Variants in PDZD8 observed in about 807,000 individuals in gnomAD.
PDZD8 encodes the protein PDZ domain-containing protein 8.
In PDZD8, 14 loss-of-function variants were observed where a neutral mutation model predicts 85.8. The ratio of observed to expected loss-of-function variants is 0.16; its 90% CI spans 0.11 to 0.26. The LOEUF is 0.26. Among genes scored for constraint, PDZD8 ranks in the 10% least tolerant of loss-of-function variants. The pLI is 1.00. For missense variants in PDZD8, 1,197 were observed against 1,424.3 expected (o/e 0.84, Z 2.57); for synonymous variants, 592 against 568.6 (o/e 1.04, Z -0.59).
Position 117,279,640 on chromosome 10 carries a change from G to C in PDZD8, c.*3628C>G, listed in dbSNP as rs1317002503. 1 of 152,076 alleles carries C rather than the reference G, an allele frequency of 6.6e-6. No homozygotes were observed. Among genetic ancestry groups the C allele is most frequent in the Non-Finnish European group, 1.5e-5 (1 of 68,014 alleles). 9.4% of individuals were successfully genotyped at this position (152,076 alleles called of 1,614,324 possible). A position where few individuals can be genotyped will look rare whatever the true frequency, so the allele number is the denominator to read the frequency against. On this transcript the variant is annotated 3_prime_UTR_variant, in exon 5 of 5. Transcript: ENST00000334464. The stretch of plus-strand genomic sequence containing the variant: ...ATATGTAACTAGCCACATTCAATGT[G>C]GAAAAAAACCAGGAAGTTATCCTTC...
At chr10:117,361,831 ATATAG>A (rs1845003629) in intron 1 of PDZD8, among the ~76,000 whole-genome samples, 1 of 152,204 alleles carries the variant, frequency 6.6e-6, no homozygotes, top group Non-Finnish European at 1.5e-5. Context: ...TCACTAAACA[ATATAG>A]TATAAGAACT....
At chr10:117,330,857 A>G (rs1442009365) in intron 2 of PDZD8, among the ~76,000 whole-genome samples, 1 of 152,220 alleles carries the variant, frequency 6.6e-6, no homozygotes, top group African/African-American at 2.4e-5. Flanking sequence ...CATTCAGACA[A>G]GACCTGGAAA....
chr10:117,345,172 T>C (rs1392258973), intron 1 of PDZD8, among the ~76,000 whole-genome samples: 3 of 152,196 alleles, frequency 2.0e-5, no homozygotes, highest in African/African-American at 7.2e-5. Flanking sequence ...AAGGAATTAA[T>C]TTCATTTACA....
At chr10:117,359,294 T>C (rs901542573) in intron 1 of PDZD8, among the ~76,000 whole-genome samples, 2 of 151,762 alleles carry the variant, frequency 1.3e-5, no homozygotes, top group African/African-American at 4.8e-5. Flanking sequence ...AGCATGCCTG[T>C]AGTCCCAGCT....
At chr10:117,359,324 T>C (rs1589592072) in intron 1 of PDZD8, among the ~76,000 whole-genome samples, 1 of 150,400 alleles carries the variant, frequency 6.6e-6, no homozygotes, top group Non-Finnish European at 1.5e-5. Flanking sequence ...GCTGGGATGG[T>C]AGGATCACTT....
At chr10:117,321,613 T>G (rs866919344) in intron 2 of PDZD8, among the ~76,000 whole-genome samples, 85 of 152,292 alleles carry the variant, frequency 5.6e-4, no homozygotes, top group Middle Eastern at 3.4e-3. Context: ...TACTTGTATA[T>G]TTTAAATGGG....
intron 3 of PDZD8, among the ~76,000 whole-genome samples, chr10:117,314,411 G>A (rs932326801): frequency 1.7e-4 from 26 of 152,158 alleles, no homozygotes; most frequent in African/African-American, 6.3e-4. Context: ...AAATATGGCT[G>A]ACCCTATCTA....
intron 3 of PDZD8, among the ~76,000 whole-genome samples, chr10:117,290,864 CTTTTT>C (rs145614241): frequency 8.1e-6 from 1 of 123,566 alleles, no homozygotes; most frequent in African/African-American, 3.3e-5. Context: ...ATGGTGTATC[CTTTTT>C]TTTTTTTTTT....
In PDZD8 at chr10:117,285,046, T is replaced by C. The variant is rs201745874; in HGVS notation, c.1687A>G (p.Lys563Glu). The C allele has an allele frequency of 5.0e-6, 8 of 1,614,024 alleles. No homozygotes were observed. Among genetic ancestry groups the C allele is most frequent in the East Asian group, 2.2e-5 (1 of 44,880 alleles). Residue 563 changes from lysine to glutamate, a missense_variant, in exon 5 of 5, where the codon AAA (lysine) becomes GAA (glutamate). Physicochemically the swap from Lys to Glu is moderately conservative, Grantham distance 56. Transcript: ENST00000334464. Reference protein sequence around the residue: ...PPKIQSKDGNKPPPLKTSEIT... With the variant: ...PPKIQSKDGNEPPPLKTSEIT... ...TCAGAAGTTTTTAGGGGTGGAGGTT[T>C]ATTTCCATCTTTGGACTGAATTTTC...
At chr10:117,338,927 C>A (rs1454072121) in intron 2 of PDZD8, among the ~76,000 whole-genome samples, 1 of 152,044 alleles carries the variant, frequency 6.6e-6, no homozygotes, top group East Asian at 1.9e-4. Context: ...CTAACCCCAC[C>A]AGCAACATTA....
At chr10:117,321,563 A>G (rs1383845251) in intron 2 of PDZD8, among the ~76,000 whole-genome samples, 1 of 152,172 alleles carries the variant, frequency 6.6e-6, no homozygotes, top group Middle Eastern at 3.2e-3. Flanking sequence ...TTAAACTCTG[A>G]CGGTGGTTAT....
At position 117,375,072 on chromosome 10, in the gene PDZD8, C is replaced by T. The variant is rs753411635; in HGVS notation, c.156G>A (p.Pro52=). The part of the protein sequence containing the change: ...GEGFRYIKPV[P]GLLLREYLYG... ...AAAGGTACTCCCTTAGGAGCAGGCC[C>T]GGCACTGGCTTGATGTAGCGGAAGC... Residue 52 remains proline (P), a synonymous_variant, in exon 1 of 5, where the codon CCG becomes CCA. Coordinates refer to ENST00000334464, the MANE Select transcript of PDZD8 (RefSeq NM_173791.5). 74 of 1,600,830 alleles carry T rather than the reference C, an allele frequency of 4.6e-5. No individual in the cohort carries two copies. The African/African-American group carries it at 9.0e-4, about 19-fold the overall frequency.
At chr10:117,322,068 G>A (rs1386926456) in intron 2 of PDZD8, among the ~76,000 whole-genome samples, 2 of 152,094 alleles carry the variant, frequency 1.3e-5, no homozygotes, top group African/African-American at 2.4e-5. Context: ...TTACTGATTC[G>A]TTCAATTGTA....
rs1844622850 is a variant in PDZD8 at position 117,284,440 on chromosome 10, T to C, written c.2293A>G (p.Ile765Val). The change falls in exon 5 of 5, where the codon ATA (isoleucine) becomes GTA (valine). Residue 765 changes from isoleucine to valine, a missense_variant. Coordinates refer to ENST00000334464, the MANE Select transcript of PDZD8 (RefSeq NM_173791.5). ...TTGCGTAGTGCGGTTCTAGTGACTA[T>C]AGCCTTAGGTGAGGGGGCTTCCAGT... ...LRLEAPSPKA[I>V]VTRTALRNLS... The C allele has an allele frequency of 3.7e-6, 6 of 1,614,200 alleles. No homozygotes were observed. The highest frequency in any genetic ancestry group is 4.2e-6 in the Non-Finnish European group (5 of 1,180,032).
intron 1 of PDZD8, among the ~76,000 whole-genome samples, chr10:117,365,415 T>TAGAAAAATATGGA (rs1334509020): frequency 4.6e-5 from 7 of 152,190 alleles, no homozygotes; most frequent in Admixed American, 1.3e-4. Flanking sequence ...ATAATACATT[T>TAGAAAAATATGGA]AGAAAAATAT....
At chr10:117,288,816 T>C (rs983096326) in intron 4 of PDZD8, among the ~76,000 whole-genome samples, 12 of 152,336 alleles carry the variant, frequency 7.9e-5, no homozygotes, top group African/African-American at 1.4e-4. Context: ...CCTGTTGTTA[T>C]TGTAATTAAC....
chr10:117,284,794 C>T lies in PDZD8; in HGVS notation c.1939G>A (p.Ala647Thr). ...TGCTTTGCTAAAAATTGCTTAGGTG[C>T]AGCTGCATCGTCTATGGCATCCACA... ...KNVDAIDDAA[A>T]PKQFLAKQEV... The change falls in exon 5 of 5, where the codon GCA becomes ACA. Residue 647 changes from alanine to threonine, a missense_variant. Around this residue, in one of 4 missense-constraint regions of PDZD8, gnomAD observed 263 missense variants for 261.9 expected, o/e 1.00. Transcript: ENST00000334464. 1 of 1,614,192 alleles carries T rather than the reference C, an allele frequency of 6.2e-7. No homozygotes were observed. The highest frequency in any genetic ancestry group is 8.5e-7 in the Non-Finnish European group (1 of 1,180,026).
At chr10:117,316,895 C>G (rs1407723909) in intron 3 of PDZD8, among the ~76,000 whole-genome samples, 1 of 152,120 alleles carries the variant, frequency 6.6e-6, no homozygotes, top group African/African-American at 2.4e-5. Flanking sequence ...CTGGAAATCC[C>G]TGGGAGGAAC....
chr10:117,300,397 T>C (rs929204890), intron 3 of PDZD8, among the ~76,000 whole-genome samples: 3 of 152,218 alleles, frequency 2.0e-5, no homozygotes, highest in Non-Finnish European at 4.4e-5. Context: ...GTAGAAATAT[T>C]TGTTAATGCC....
Sources: allele counts gnomAD v4.1 joint callset (sites outside exome capture counted in the v4.1 genomes callset), GRCh38; gene constraint gnomAD v4.1.1; regional missense constraint gnomAD v4.1.1; transcripts MANE v1.5; gene names NCBI Gene and HGNC (gene_info 2026-07-23, HGNC 2026-07-21).